CPM: variants seen among roughly 807,000 people sequenced by gnomAD.
CPM encodes renal carboxypeptidase.
A neutral mutation model predicts 46.4 loss-of-function variants in CPM; 35 were observed. The ratio of observed to expected loss-of-function variants is 0.75; its 90% confidence interval spans 0.58 to 1.00. The LOEUF is 1.00. Ranked by LOEUF, CPM falls within the 50% of genes least tolerant of loss-of-function variation. The pLI is 0.00. For synonymous variants in CPM, 195 were observed against 195.3 expected, an observed-to-expected ratio of 1.00 and a Z score of 0.01; for missense variants, 422 against 530.4, an observed-to-expected ratio of 0.80 and a Z score of 2.01.
chr12:68,917,356 T>G (rs367964083), intron 2 of CPM, among the ~76,000 whole-genome samples: 1 of 152,250 alleles, frequency 6.6e-6, no homozygotes, highest in African/African-American at 2.4e-5. Flanking sequence ...TATAGTCTCA[T>G]GCTAGCACAT....
At chr12:68,955,107 A>G (rs1888991817) in intron 1 of CPM, among the ~76,000 whole-genome samples, 1 of 152,168 alleles carries the variant, frequency 6.6e-6, no homozygotes, top group African/African-American at 2.4e-5. Context: ...CCGGGCCAGT[A>G]GCACAAGCTG....
rs1884871367 is a variant in CPM, at chr12:68,854,489, C to T, written c.*1948G>A. The T allele has an allele frequency of 6.6e-6, 1 of 152,154 alleles. No individual in the cohort carries two copies. Among genetic ancestry groups the T allele is most frequent in the African/African-American group, 2.4e-5 (1 of 41,432 alleles). The allele number at this position is 152,154 out of a possible 1,614,324, so 9.4% of individuals were successfully genotyped here. On this transcript the variant is annotated 3_prime_UTR_variant, in exon 9 of 9. Coordinates refer to ENST00000551568, the MANE Select transcript of CPM (RefSeq NM_198320.5). ...GGGAGCAAAGAGAAAGGGTCCCTAA[C>T]CCCAGACTGCCTGCGAAGAGGTGAA...
At chr12:68,920,995 C>T (rs1308756799) in intron 2 of CPM, among the ~76,000 whole-genome samples, 1 of 151,770 alleles carries the variant, frequency 6.6e-6, no homozygotes, top group Non-Finnish European at 1.5e-5. Flanking sequence ...AGCCACTGTG[C>T]CTGGCCCCTG....
At position 68,869,429 on chromosome 12, in the gene CPM, G is replaced by A. The variant is rs1592642967; in HGVS notation, c.683C>T (p.Thr228Ile). Residue 228 changes from threonine to isoleucine, a missense_variant, in exon 6 of 9, where the codon ACC (threonine) becomes ATC (isoleucine). Transcript: ENST00000551568. ...DDDVFQYLAHTYASRNPNMKK... is the reference protein window; with the variant it reads ...DDDVFQYLAHIYASRNPNMKK... Reference sequence around the variant, plus strand: ...CATGTTGGGATTTCTTGAAGCATAGGTATGTGCAAGATATTGAAAAACATC... The same window carrying A: ...CATGTTGGGATTTCTTGAAGCATAGATATGTGCAAGATATTGAAAAACATC... 1 of 1,614,024 alleles carries A rather than the reference G, an allele frequency of 6.2e-7. No individual in the cohort carries two copies. Among genetic ancestry groups the A allele is most frequent in the Middle Eastern group, 1.7e-4 (1 of 6,060 alleles).
intron 3 of CPM, among the ~76,000 whole-genome samples, chr12:68,884,753 AG>A (rs1462309718): frequency 6.6e-6 from 1 of 152,140 alleles, no homozygotes; most frequent in Non-Finnish European, 1.5e-5. Flanking sequence ...AAAATATTTC[AG>A]TTGTCATGGT....
At chr12:68,947,222 T>C (rs1888861892) in intron 1 of CPM, among the ~76,000 whole-genome samples, 1 of 152,128 alleles carries the variant, frequency 6.6e-6, no homozygotes, top group Non-Finnish European at 1.5e-5. Flanking sequence ...GGTGAAGAAA[T>C]AGAAAGTCCA....
At chr12:68,959,872 C>T (rs895237407) in intron 1 of CPM, among the ~76,000 whole-genome samples, 6 of 152,296 alleles carry the variant, frequency 3.9e-5, no homozygotes, top group Admixed American at 1.3e-4. Context: ...TATCCCCAGG[C>T]GTCTCTCCCA....
intron 7 of CPM, among the ~76,000 whole-genome samples, chr12:68,862,328 G>A (rs12321911): frequency 0.1 from 14,045 of 137,998 alleles, 4,407 homozygotes; most frequent in African/African-American, 0.38. Context: ...TTCATCTCCC[G>A]GGTTCAAGCG....
intron 1 of CPM, among the ~76,000 whole-genome samples, chr12:68,946,636 T>G (rs1204305870): frequency 6.6e-6 from 1 of 152,206 alleles, no homozygotes; most frequent in Non-Finnish European, 1.5e-5. Context: ...CCTCAATTCC[T>G]CAAAGCAGTC....
At chr12:68,942,650 C>A (rs192655580) in intron 1 of CPM, among the ~76,000 whole-genome samples, 12 of 152,252 alleles carry the variant, frequency 7.9e-5, no homozygotes, top group Admixed American at 5.9e-4. Context: ...AAATCTCTGC[C>A]CTTAGGTAGC....
At chr12:68,960,775 A>C (rs1889097849) in intron 1 of CPM, among the ~76,000 whole-genome samples, 1 of 152,240 alleles carries the variant, frequency 6.6e-6, no homozygotes, top group African/African-American at 2.4e-5. Flanking sequence ...TACAGGTCTC[A>C]AGCCCAGAAA....
intron 2 of CPM, among the ~76,000 whole-genome samples, chr12:68,909,905 C>T (rs7956964): frequency 0.2 from 30,552 of 151,108 alleles, 4,129 homozygotes; most frequent in African/African-American, 0.39. Flanking sequence ...TTGATGGGTG[C>T]AGCAAACCAC....
chr12:68,905,041 T>C (rs1003443415), intron 2 of CPM, among the ~76,000 whole-genome samples: 1 of 151,970 alleles, frequency 6.6e-6, no homozygotes, highest in Non-Finnish European at 1.5e-5. Flanking sequence ...CCCGAGTAGC[T>C]GGAATTACAT....
intron 2 of CPM, among the ~76,000 whole-genome samples, chr12:68,897,603 G>A (rs776820451): frequency 6.6e-6 from 1 of 152,040 alleles, no homozygotes; most frequent in African/African-American, 2.4e-5. Flanking sequence ...CGGGCGTGGT[G>A]GTGTGTGCCT....
chr12:68,886,910 GGTAATCTCAA>G (rs1325907349), intron 2 of CPM, among the ~76,000 whole-genome samples: 2 of 152,184 alleles, frequency 1.3e-5, no homozygotes, highest in African/African-American at 4.8e-5. Flanking sequence ...CTCTGGCTCA[GGTAATCTCAA>G]GTAATCCCTT....
chr12:68,930,779 A>T (rs144737477), intron 2 of CPM, among the ~76,000 whole-genome samples: 1 of 152,228 alleles, frequency 6.6e-6, no homozygotes, highest in East Asian at 1.9e-4. Context: ...ATAGATCACA[A>T]CTGCTGATTC....
intron 2 of CPM, among the ~76,000 whole-genome samples, chr12:68,906,878 T>C (rs1490016439): frequency 3.9e-5 from 6 of 152,240 alleles, no homozygotes; most frequent in Non-Finnish European, 8.8e-5. Context: ...TACTGTTGTA[T>C]AAATGTAAAT....
rs547560670 is a variant in CPM, at chr12:68,842,480, A to C, written c.534-151T>G. ...TAAATTATTGACTTATTTTTTATATAAGGTCACTCCGATGAAAGGTGATTA... is the reference window on the plus strand; with the variant it reads ...TAAATTATTGACTTATTTTTTATATCAGGTCACTCCGATGAAAGGTGATTA... On this transcript the variant is annotated intron_variant, in intron 5 of 5. Transcript: ENST00000551897. 159 of 403,486 alleles carry C rather than the reference A, an allele frequency of 3.9e-4. 1 individual carries two copies. Among genetic ancestry groups the C allele is most frequent in the East Asian group, 3.5e-3 (70 of 19,998 alleles). The allele number at this position is 403,486 out of a possible 1,614,324, so 25.0% of individuals were successfully genotyped here.
At chr12:68,885,646 C>T (rs530439792) in intron 3 of CPM, 146 bp downstream of exon 3, 1 of 647,804 alleles carries the variant, frequency 1.5e-6, no homozygotes, top group East Asian at 2.7e-5. Context: ...ACAGGCCTCA[C>T]AGGAAGACCT....
Sources: allele counts gnomAD v4.1 joint callset (sites outside exome capture counted in the v4.1 genomes callset), GRCh38; gene constraint gnomAD v4.1.1; transcripts MANE v1.5; gene names NCBI Gene and HGNC (gene_info 2026-07-23, HGNC 2026-07-21).